ASZ1: variants seen among roughly 807,000 people sequenced by gnomAD.
ASZ1 encodes the protein ankyrin repeat, SAM and basic leucine zipper domain-containing protein 1.
In ASZ1, 67 loss-of-function variants were observed where a neutral mutation model predicts 61.8. The ratio of observed to expected loss-of-function variants is 1.08; its 90% CI spans 0.89 to 1.33. The LOEUF is 1.33. Among genes scored for constraint, ASZ1 ranks in the 40% most tolerant of loss-of-function variants. ASZ1 has a pLI of 0.00. For synonymous variants in ASZ1, 193 were observed against 192.7 expected, an observed-to-expected ratio of 1.00 and a Z score of -0.01; for missense variants, 577 against 554.5, an observed-to-expected ratio of 1.04 and a Z score of -0.41.
chr7:117,391,625 T>A (rs1159768434), intron 4 of ASZ1, among the ~76,000 whole-genome samples: 1 of 152,062 alleles, frequency 6.6e-6, no homozygotes, highest in East Asian at 1.9e-4. Context: ...TGGTGTGGGT[T>A]CTCTATTCTG....
At chr7:117,373,930 A>G (rs1796092912) in intron 10 of ASZ1, among the ~76,000 whole-genome samples, 1 of 152,180 alleles carries the variant, frequency 6.6e-6, no homozygotes, top group South Asian at 2.1e-4. Flanking sequence ...GAAAATGAAC[A>G]ATGATATTTA....
In ASZ1 at chr7:117,374,659, T is replaced by C. The variant is rs1796106032; in HGVS notation, c.1055+5279A>G. Among the ~76,000 whole-genome samples, 4 of 152,034 alleles carry C rather than the reference T, an allele frequency of 2.6e-5. No individual in the cohort carries two copies. In the South Asian group the frequency reaches 8.3e-4, roughly 31 times the overall value. ...GTAGAAAAATAAAATGATTGTGATCTCTTAAATCAACTAAAAAAAGAAAAC... is the reference window on the plus strand; with the variant it reads ...GTAGAAAAATAAAATGATTGTGATCCCTTAAATCAACTAAAAAAAGAAAAC... On this transcript the variant is annotated intron_variant, in intron 10 of 12. Transcript: ENST00000284629.
intron 6 of ASZ1, among the ~76,000 whole-genome samples, chr7:117,384,056 G>A (rs549960729): frequency 2.0e-5 from 3 of 151,944 alleles, no homozygotes; most frequent in South Asian, 4.1e-4. Flanking sequence ...TTTCAAATTC[G>A]GGAACTCAGT....
intron 4 of ASZ1, among the ~76,000 whole-genome samples, chr7:117,417,944 T>C (rs1271559898): frequency 6.6e-6 from 1 of 152,260 alleles, no homozygotes; most frequent in Non-Finnish European, 1.5e-5. Flanking sequence ...TGCCTTATAG[T>C]TTCTAGCATA....
At chr7:117,392,163 T>C (rs1026572015) in intron 4 of ASZ1, among the ~76,000 whole-genome samples, 3 of 152,198 alleles carry the variant, frequency 2.0e-5, no homozygotes, top group Non-Finnish European at 2.9e-5. Flanking sequence ...AGGAATCACA[T>C]TGAATCTGTA....
At position 117,427,442 on chromosome 7, in the gene ASZ1, G is replaced by C. The variant is rs771305699; in HGVS notation, c.19C>G (p.Arg7Gly). The C allele has an allele frequency of 7.4e-6, 12 of 1,613,754 alleles. No individual in the cohort carries two copies. The highest frequency in any genetic ancestry group is 1.0e-5 in the Non-Finnish European group (12 of 1,179,950). ...CCTCCGCCAGCCACTGGCAGGCCTCGCAGCGCGCTCGCCGCCATGCCAGCC... is the reference window on the plus strand; with the variant it reads ...CCTCCGCCAGCCACTGGCAGGCCTCCCAGCGCGCTCGCCGCCATGCCAGCC... The part of the protein sequence containing the change: MAASAL[R>G]GLPVAGGGES... Residue 7 changes from arginine to glycine, a missense_variant, in exon 1 of 13, where the codon CGA (arginine) becomes GGA (glycine). Arg to Gly is a moderately radical substitution (Grantham distance 125, BLOSUM62 -2). Transcript: ENST00000284629.
intron 4 of ASZ1, among the ~76,000 whole-genome samples, chr7:117,396,435 G>A (rs1796576463): frequency 6.6e-6 from 1 of 152,064 alleles, no homozygotes; most frequent in Non-Finnish European, 1.5e-5. Flanking sequence ...ATATGTTTTC[G>A]AAATTAAGGA....
intron 2 of ASZ1, 61 bp from the exon 3 acceptor site, chr7:117,422,420 C>G: frequency 6.4e-7 from 1 of 1,557,500 alleles, no homozygotes; most frequent in East Asian, 2.3e-5. Flanking sequence ...AATCAGTCAC[C>G]TTATATGCTT....
chr7:117,400,403 G>A (rs949601689), intron 4 of ASZ1, among the ~76,000 whole-genome samples: 21 of 152,184 alleles, frequency 1.4e-4, no homozygotes, highest in African/African-American at 4.8e-4. Flanking sequence ...CTCCTGGAGA[G>A]AAAAGCAGCA....
intron 4 of ASZ1, among the ~76,000 whole-genome samples, chr7:117,419,841 T>C (rs1163731485): frequency 6.6e-6 from 1 of 152,184 alleles, no homozygotes; most frequent in Non-Finnish European, 1.5e-5. Flanking sequence ...GAGAGAACAT[T>C]AAAAGGCTTT....
At chr7:117,419,984 C>T (rs1160201813) in intron 4 of ASZ1, among the ~76,000 whole-genome samples, 179 bp downstream of exon 4, 3 of 152,160 alleles carry the variant, frequency 2.0e-5, no homozygotes, top group Middle Eastern at 3.2e-3. Context: ...AGTTGAAAGA[C>T]TACTTTCATG....
intron 11 of ASZ1, chr7:117,367,856 A>AT: frequency 7.1e-6 from 7 of 986,530 alleles, no homozygotes. Context: ...CACATGAAAT[A>AT]AGCTGCTTTT....
chr7:117,424,148 G>A (rs772080401), intron 2 of ASZ1, among the ~76,000 whole-genome samples: 3 of 152,204 alleles, frequency 2.0e-5, no homozygotes, highest in Admixed American at 6.5e-5. Context: ...AGGGGGTACC[G>A]TACTTTTCTG....
At chr7:117,388,580 CA>C (rs1796403601) in intron 4 of ASZ1, among the ~76,000 whole-genome samples, 1 of 151,924 alleles carries the variant, frequency 6.6e-6, no homozygotes, top group Non-Finnish European at 1.5e-5. Flanking sequence ...AAGTATTTTA[CA>C]AAATCCAACA....
intron 4 of ASZ1, among the ~76,000 whole-genome samples, chr7:117,407,457 G>T (rs1584737787): frequency 6.6e-6 from 1 of 151,832 alleles, no homozygotes. Context: ...ATCCATGGGG[G>T]ATATGCTCCA....
chr7:117,415,046 G>A (rs1274897544), intron 4 of ASZ1, among the ~76,000 whole-genome samples: 1 of 152,114 alleles, frequency 6.6e-6, no homozygotes, highest in East Asian at 1.9e-4. Context: ...TAGAGTTCTA[G>A]ATCCTTGAGG....
In ASZ1 at chr7:117,393,023, T is replaced by C. The variant is rs145091076; in HGVS notation, c.441-7214A>G. On this transcript the variant is annotated intron_variant, in intron 4 of 12. Transcript: ENST00000284629. ...CACCATGCCTGGCTAATTTTTGGTA[T>C]TTTTAGTAGAGACGGATTTCACCAC... Among the ~76,000 whole-genome samples, 866 of 152,098 alleles carry C rather than the reference T, an allele frequency of 5.7e-3. 9 individuals are homozygous for C. Among genetic ancestry groups the C allele is most frequent in the African/African-American group, 0.02 (832 of 41,492 alleles).
intron 4 of ASZ1, among the ~76,000 whole-genome samples, chr7:117,413,538 A>G (rs942575703): frequency 6.6e-6 from 1 of 152,104 alleles, no homozygotes; most frequent in Admixed American, 6.6e-5. Flanking sequence ...TGTGTTAAAT[A>G]TTGTCAGTAT....
At chr7:117,398,698 G>A (rs538322342) in intron 4 of ASZ1, among the ~76,000 whole-genome samples, 43 of 152,116 alleles carry the variant, frequency 2.8e-4, no homozygotes, top group African/African-American at 1.0e-3. Flanking sequence ...ATAAAAATTC[G>A]TATCTCTCAG....
Sources: allele counts gnomAD v4.1 joint callset (sites outside exome capture counted in the v4.1 genomes callset), GRCh38; gene constraint gnomAD v4.1.1; transcripts MANE v1.5; gene names NCBI Gene and HGNC (gene_info 2026-07-23, HGNC 2026-07-21).